The following MYOF variants were observed in gnomAD, a reference collection of about 807,000 sequenced individuals.
MYOF encodes myoferlin.
In MYOF, 244 loss-of-function variants were observed where a neutral mutation model predicts 284.2. That is an observed-to-expected ratio of 0.86 (90% CI 0.77 to 0.95). The LOEUF (loss-of-function observed/expected upper bound fraction) is 0.95, where lower values mean the gene tolerates loss of function less well. Among genes scored for constraint, MYOF ranks in the 40% least tolerant of loss-of-function variants. MYOF has a pLI of 0.00. For missense variants in MYOF, 2,496 were observed against 2,560.6 expected (o/e 0.97, Z 0.54); for synonymous variants, 904 against 919.7 (o/e 0.98, Z 0.31).
At chr10:93,419,761 G>A (rs762152774) in intron 5 of MYOF, among the ~76,000 whole-genome samples, 1 of 152,190 alleles carries the variant, frequency 6.6e-6, no homozygotes, top group Non-Finnish European at 1.5e-5. Context: ...CAAGCTCCTT[G>A]GTGGTAAAAC....
chr10:93,429,363 T>C (rs926826847), intron 4 of MYOF, among the ~76,000 whole-genome samples: 2 of 152,146 alleles, frequency 1.3e-5, no homozygotes, highest in Admixed American at 1.3e-4. Flanking sequence ...ACCTCTTTTC[T>C]TTATAAATTA....
intron 21 of MYOF, among the ~76,000 whole-genome samples, chr10:93,378,973 C>T (rs1435348044): frequency 1.3e-5 from 2 of 151,956 alleles, no homozygotes; most frequent in Non-Finnish European, 2.9e-5. Flanking sequence ...ACCTTGGTAT[C>T]CCAAAGTGCT....
At chr10:93,369,915 TC>T in intron 24 of MYOF, 139 bp from the exon 25 acceptor site, 1 of 1,068,472 alleles carries the variant, frequency 9.4e-7, no homozygotes, top group Non-Finnish European at 1.3e-6. Context: ...TTAAAACATT[TC>T]CAGATGACCC....
intron 3 of MYOF, among the ~76,000 whole-genome samples, chr10:93,443,781 G>A (rs776938552): frequency 8.5e-5 from 13 of 152,158 alleles, no homozygotes; most frequent in Non-Finnish European, 1.9e-4. Context: ...TGTCAGGTGG[G>A]AGGGTAAATC....
chr10:93,368,529 G>A (rs1476782464), intron 25 of MYOF, among the ~76,000 whole-genome samples: 3 of 152,172 alleles, frequency 2.0e-5, no homozygotes, highest in African/African-American at 7.2e-5. Flanking sequence ...CTGGCTCAGT[G>A]CCTAGCATGA....
intron 38 of MYOF, 136 bp downstream of exon 38, chr10:93,343,720 C>A: frequency 1.2e-6 from 1 of 845,730 alleles, no homozygotes; most frequent in Non-Finnish European, 1.9e-6. Context: ...CTTGTCTGTA[C>A]TCAGTCCTCA....
At chr10:93,428,893 C>T (rs1012724023) in intron 4 of MYOF, among the ~76,000 whole-genome samples, 6 of 152,194 alleles carry the variant, frequency 3.9e-5, no homozygotes, top group African/African-American at 1.4e-4. Context: ...GGTTTTCATG[C>T]TGTGTTCTAT....
Position 93,325,919 on chromosome 10 carries a change from C to T in MYOF, c.5178G>A (p.Arg1726=). ...LHQHLGAPEE[R]LALHILRTQG... ...GAGTCCTGAGGATGTGAAGAGCAAG[C>T]CGCTCTTCAGGGGCCCCGAGGTGCT... Residue 1726 remains arginine (R), a synonymous_variant, in exon 46 of 54, where the codon CGG becomes CGA. Coordinates refer to ENST00000359263, the MANE Select transcript of MYOF (RefSeq NM_013451.4). 6.2e-7 allele frequency: 1 copy of T among 1,614,016 alleles called. No homozygotes were observed. The highest frequency in any genetic ancestry group is 8.5e-7 in the Non-Finnish European group (1 of 1,179,966).
chr10:93,431,131 C>A (rs550943645), intron 4 of MYOF, among the ~76,000 whole-genome samples: 1 of 150,626 alleles, frequency 6.6e-6, no homozygotes, highest in Non-Finnish European at 1.5e-5. Context: ...TGGGTTCAAG[C>A]GAGTCTCCTG....
At chr10:93,356,373 C>T (rs1033160763) in intron 30 of MYOF, among the ~76,000 whole-genome samples, 4 of 152,080 alleles carry the variant, frequency 2.6e-5, no homozygotes, top group Non-Finnish European at 5.9e-5. Flanking sequence ...AGAACTTGTG[C>T]CTGGGATGTG....
At chr10:93,446,309 G>A (rs1328502804) in intron 3 of MYOF, among the ~76,000 whole-genome samples, 1 of 151,968 alleles carries the variant, frequency 6.6e-6, no homozygotes, top group East Asian at 1.9e-4. Flanking sequence ...CATAGGGTCT[G>A]AAGTTCTCAT....
In MYOF at chr10:93,401,541, C is replaced by T; in HGVS notation, c.994G>A (p.Glu332Lys). 1 of 1,613,932 alleles carries T rather than the reference C, an allele frequency of 6.2e-7. No homozygotes were observed. Among genetic ancestry groups the T allele is most frequent in the East Asian group, 2.2e-5 (1 of 44,902 alleles). ...VLGTGDEPPP[E>K]RRDRDNDSDD... Reference sequence around the variant, plus strand: ...CTGTCATTATCACGATCTCGTCTCTCAGGCTATTAGGGGCACATGATTTAA... The same window carrying T: ...CTGTCATTATCACGATCTCGTCTCTTAGGCTATTAGGGGCACATGATTTAA... The change falls in exon 12 of 54, where the codon GAG (glutamate) becomes AAG (lysine). Residue 332 changes from glutamate (E) to lysine (K), a missense_variant. Physicochemically the swap from Glu to Lys is moderately conservative, Grantham distance 56. Transcript: ENST00000359263.
chr10:93,384,145 G>A (rs762327551), intron 19 of MYOF, among the ~76,000 whole-genome samples: 4 of 152,160 alleles, frequency 2.6e-5, no homozygotes, highest in Non-Finnish European at 2.9e-5. Context: ...GAGGGGCAAC[G>A]CTACCATCTG....
chr10:93,333,402 A>C (rs1589402391), intron 42 of MYOF, 90 bp from the exon 43 acceptor site: 1 of 1,100,242 alleles, frequency 9.1e-7, no homozygotes. Context: ...CTCCACACCC[A>C]CTCCCAGCTG....
intron 25 of MYOF, 109 bp from the exon 26 acceptor site, chr10:93,366,664 G>T: frequency 1.1e-6 from 1 of 894,008 alleles, no homozygotes; most frequent in Non-Finnish European, 1.7e-6. Context: ...ACTACAGAAA[G>T]CAGAAAAAAG....
chr10:93,314,479 A>T lies in MYOF; in HGVS notation c.5699-1269T>A, dbSNP rs558210640. Among the ~76,000 whole-genome samples the T allele has an allele frequency of 1.4e-4, 21 of 152,246 alleles. No individual in the cohort carries two copies. In the South Asian group the frequency reaches 4.1e-3, roughly 30 times the overall value. On this transcript the variant is annotated intron_variant, in intron 50 of 53. Coordinates refer to ENST00000359263, the MANE Select transcript of MYOF (RefSeq NM_013451.4). ...TGAGCCCTTTCCTTAAGAAAATGGTATCTGTGATGTGGGGTCAAGTCTATG... is the reference window on the plus strand; with the variant it reads ...TGAGCCCTTTCCTTAAGAAAATGGTTTCTGTGATGTGGGGTCAAGTCTATG...
intron 22 of MYOF, 123 bp downstream of exon 22, chr10:93,377,200 T>C (rs1845875316): frequency 4.1e-6 from 3 of 729,644 alleles, no homozygotes; most frequent in South Asian, 4.0e-5. Flanking sequence ...TTTACGAAGT[T>C]TGAATAATTC....
intron 1 of MYOF, among the ~76,000 whole-genome samples, chr10:93,471,830 A>G (rs2134388534): frequency 6.6e-6 from 1 of 151,958 alleles, no homozygotes; most frequent in South Asian, 2.1e-4. Flanking sequence ...TGGAGGTTGC[A>G]GTGAGCCAAG....
At chr10:93,459,241 GA>G (rs1408194390) in intron 1 of MYOF, among the ~76,000 whole-genome samples, 3 of 151,914 alleles carry the variant, frequency 2.0e-5, no homozygotes, top group African/African-American at 4.8e-5. Context: ...TCATCTAACA[GA>G]AACTCCCAAT....
Sources: gnomAD v4.1 joint callset for allele counts (sites outside exome capture counted in the v4.1 genomes callset) on GRCh38, gnomAD v4.1.1 for gene constraint, MANE v1.5 for transcripts, NCBI Gene and HGNC (gene_info 2026-07-23, HGNC 2026-07-21) for gene names.